The following NAV2 variants were observed in gnomAD, a reference collection of about 807,000 sequenced individuals.
NAV2 encodes helicase, APC down-regulated 1.
Under a neutral mutation model 223.2 loss-of-function variants are expected in NAV2, and 54 were observed. The observed-to-expected ratio is 0.24, with a 90% CI of 0.19 to 0.30. NAV2 has a LOEUF of 0.30. Ranked by LOEUF, NAV2 falls within the 10% of genes least tolerant of loss-of-function variation. The pLI is 1.00. For missense variants in NAV2, 2,806 were observed against 3,147.5 expected, an observed-to-expected ratio of 0.89 and a Z score of 2.60; for synonymous variants, 1,279 against 1,239.3, an observed-to-expected ratio of 1.03 and a Z score of -0.67.
chr11:19,860,969 G>A (rs1443850590), intron 3 of NAV2, among the ~76,000 whole-genome samples: 3 of 148,842 alleles, frequency 2.0e-5, no homozygotes, highest in Admixed American at 1.3e-4. Flanking sequence ...GCAGTGAGCC[G>A]AGATGGCAGC....
chr11:19,450,039 T>A (rs934349483), intron 1 of NAV2, among the ~76,000 whole-genome samples: 1 of 152,134 alleles, frequency 6.6e-6, no homozygotes, highest in African/African-American at 2.4e-5. Flanking sequence ...CACTGGGACC[T>A]CATTTTAAAA....
At chr11:19,807,500 T>C (rs1258301197) in intron 1 of NAV2, among the ~76,000 whole-genome samples, 1 of 152,194 alleles carries the variant, frequency 6.6e-6, no homozygotes, top group Non-Finnish European at 1.5e-5. Context: ...CTCTCTCCAA[T>C]GAGACATTTG....
At position 19,551,897 on chromosome 11, in the gene NAV2, T is replaced by TTCTCTC. The variant is rs59538869; in HGVS notation, c.75+200890_75+200895dup. On this transcript the variant is annotated intron_variant, in intron 1 of 37. Transcript: ENST00000360655. Reference sequence around the variant, plus strand: ...CCCCTCCTTCTCCTCTCCTCTCCTCTTCTCTCTCTCTCTCTCTCTCTCTCT... The same window carrying TTCTCTC: ...CCCCTCCTTCTCCTCTCCTCTCCTCTTCTCTCTCTCTCTCTCTCTCTCTCTCTCTCT... 3.1e-3 allele frequency among the ~76,000 whole-genome samples: 465 copies of TTCTCTC among 149,298 alleles called. 2 individuals are homozygous for TTCTCTC. The highest frequency in any genetic ancestry group is 0.011 in the African/African-American group (441 of 40,722).
intron 1 of NAV2, among the ~76,000 whole-genome samples, chr11:19,679,710 A>G (rs2048825482): frequency 6.6e-6 from 1 of 152,032 alleles, no homozygotes; most frequent in Non-Finnish European, 1.5e-5. Context: ...TCCCCACATC[A>G]CAGCCCTTCC....
At chr11:19,658,702 G>A (rs957735870) in intron 1 of NAV2, among the ~76,000 whole-genome samples, 1 of 152,170 alleles carries the variant, frequency 6.6e-6, no homozygotes, top group African/African-American at 2.4e-5. Context: ...AATTGCTTGT[G>A]TCTCTTGCTA....
At chr11:19,958,990 T>A (rs2048130496) in intron 10 of NAV2, among the ~76,000 whole-genome samples, 1 of 152,208 alleles carries the variant, frequency 6.6e-6, no homozygotes. Context: ...TACATTAAAC[T>A]CAGCCTGATG....
At chr11:19,853,830 T>C (rs2061272544) in intron 3 of NAV2, among the ~76,000 whole-genome samples, 1 of 151,962 alleles carries the variant, frequency 6.6e-6, no homozygotes, top group Non-Finnish European at 1.5e-5. Flanking sequence ...GTGTCCCCAC[T>C]AGACATTAAC....
chr11:20,105,564 G>T lies in NAV2; in HGVS notation c.6678G>T (p.Val2226=). Residue 2226 remains valine, a synonymous_variant, in exon 35 of 38, where the codon GTG becomes GTT. Coordinates refer to ENST00000349880, the MANE Select transcript of NAV2 (RefSeq NM_145117.5). ...WVLCANHTEP[V]KGFLGRFLRR... ...TTTGTGCCAACCACACGGAGCCTGT[G>T]AAGGGTTTCCTTGGCCGATTCCTGA... 6.2e-7 allele frequency: 1 copy of T among 1,614,106 alleles called. No individual in the cohort carries two copies. Among genetic ancestry groups the T allele is most frequent in the Non-Finnish European group, 8.5e-7 (1 of 1,179,976 alleles).
chr11:19,707,563 A>G (rs2049705013), intron 1 of NAV2, among the ~76,000 whole-genome samples: 1 of 152,210 alleles, frequency 6.6e-6, no homozygotes, highest in Non-Finnish European at 1.5e-5. Flanking sequence ...CTCCTATGCC[A>G]ACAATGCCTT....
At chr11:19,676,161 T>C (rs2048705827) in intron 1 of NAV2, among the ~76,000 whole-genome samples, 1 of 152,170 alleles carries the variant, frequency 6.6e-6, no homozygotes. Flanking sequence ...TGTCCCTTCC[T>C]CCTCGATCCC....
At chr11:19,679,408 G>A (rs973086703) in intron 1 of NAV2, among the ~76,000 whole-genome samples, 1 of 75,720 alleles carries the variant, frequency 1.3e-5, no homozygotes, top group African/African-American at 3.1e-5. Context: ...TCCAGCCTGG[G>A]CAACAGAACG....
At chr11:19,736,756 T>C (rs993247411) in intron 1 of NAV2, among the ~76,000 whole-genome samples, 14 of 152,228 alleles carry the variant, frequency 9.2e-5, no homozygotes, top group African/African-American at 3.4e-4. Context: ...CCAACTCTGC[T>C]GTTCTACATG....
chr11:19,360,763 C>T (rs1853889636), intron 1 of NAV2, among the ~76,000 whole-genome samples: 1 of 152,234 alleles, frequency 6.6e-6, no homozygotes, highest in Non-Finnish European at 1.5e-5. Flanking sequence ...GCAGGAGGCA[C>T]TCTTTGTGGT....
chr11:19,378,484 T>C (rs1848718587), intron 1 of NAV2, among the ~76,000 whole-genome samples: 1 of 152,194 alleles, frequency 6.6e-6, no homozygotes, highest in East Asian at 1.9e-4. Context: ...GAATCGCTGA[T>C]AGATGCCATG....
At chr11:19,697,507 CT>C (rs546880604) in intron 1 of NAV2, among the ~76,000 whole-genome samples, 204 of 143,956 alleles carry the variant, frequency 1.4e-3, no homozygotes, top group East Asian at 9.9e-3. Context: ...CAAGATAGTT[CT>C]TTTTTTTTTT....
At chr11:19,752,572 T>C (rs1431967952) in intron 1 of NAV2, among the ~76,000 whole-genome samples, 3 of 152,194 alleles carry the variant, frequency 2.0e-5, no homozygotes, top group Non-Finnish European at 4.4e-5. Context: ...ATCTGTATAT[T>C]TTGTGACCCA....
chr11:20,111,409 A>G (rs556982819), intron 36 of NAV2, among the ~76,000 whole-genome samples: 3 of 152,256 alleles, frequency 2.0e-5, no homozygotes, highest in Admixed American at 6.5e-5. Flanking sequence ...GAGCTTTATG[A>G]TGTTTCCTTT....
chr11:19,902,522 T>C (rs1269186463), intron 6 of NAV2, among the ~76,000 whole-genome samples: 1 of 152,202 alleles, frequency 6.6e-6, no homozygotes, highest in East Asian at 1.9e-4. Flanking sequence ...AATATATCAT[T>C]TGGAAAGATG....
At chr11:19,854,394 T>C (rs998064782) in intron 3 of NAV2, among the ~76,000 whole-genome samples, 6 of 152,130 alleles carry the variant, frequency 3.9e-5, no homozygotes, top group African/African-American at 1.4e-4. Flanking sequence ...AAAGCTAAGT[T>C]GAGGTGCTTT....
Sources: allele counts gnomAD v4.1 joint callset (sites outside exome capture counted in the v4.1 genomes callset), GRCh38; gene constraint gnomAD v4.1.1; transcripts MANE v1.5; gene names NCBI Gene and HGNC (gene_info 2026-07-23, HGNC 2026-07-21).